NCAM2: variants seen among roughly 807,000 people sequenced by gnomAD.
NCAM2 encodes the protein neural cell adhesion molecule 2, also known as N-CAM-2.
A neutral mutation model predicts 98.1 loss-of-function variants in NCAM2; 30 were observed. The observed-to-expected ratio is 0.31, with a 90% CI of 0.23 to 0.41. The LOEUF (loss-of-function observed/expected upper bound fraction) is 0.41, where lower values mean the gene tolerates loss of function less well. Ranked by LOEUF, NCAM2 falls within the 10% of genes least tolerant of loss-of-function variation. NCAM2 has a pLI of 1.00. For synonymous variants in NCAM2, 368 were observed against 342.4 expected (o/e 1.07, Z -0.83); for missense variants, 867 against 1,005.8 (o/e 0.86, Z 1.87).
At chr21:21,178,068 T>G (rs1166597285) in intron 1 of NCAM2, among the ~76,000 whole-genome samples, 1 of 152,126 alleles carries the variant, frequency 6.6e-6, no homozygotes, top group Non-Finnish European at 1.5e-5. Flanking sequence ...AATTAATAAT[T>G]TAAGTTGAAA....
At chr21:21,014,950 A>G (rs2064278169) in intron 1 of NCAM2, among the ~76,000 whole-genome samples, 1 of 152,166 alleles carries the variant, frequency 6.6e-6, no homozygotes, top group African/African-American at 2.4e-5. Flanking sequence ...GAGGTTCAAG[A>G]CTTCGGCAGA....
At chr21:21,457,032 A>C (rs1982247624) in intron 12 of NCAM2, among the ~76,000 whole-genome samples, 1 of 152,208 alleles carries the variant, frequency 6.6e-6, no homozygotes, top group African/African-American at 2.4e-5. Flanking sequence ...ACCAAAAAGT[A>C]GAGGTGCTGC....
chr21:21,377,498 C>G (rs1410372168), intron 9 of NCAM2, among the ~76,000 whole-genome samples: 1 of 151,622 alleles, frequency 6.6e-6, no homozygotes, highest in African/African-American at 2.4e-5. Context: ...TTATAGTTGA[C>G]AAATAAAAAT....
At chr21:21,441,032 C>A (rs536405610) in intron 12 of NCAM2, among the ~76,000 whole-genome samples, 1 of 152,244 alleles carries the variant, frequency 6.6e-6, no homozygotes, top group Non-Finnish European at 1.5e-5. Context: ...CTGTAGTCTT[C>A]CAAATCAAAA....
In NCAM2 at chr21:21,046,346, C is replaced by T. The variant is rs547381988; in HGVS notation, c.55+47728C>T. ...TTAGACTTAATTTTAAAAGTGGTTC[C>T]TGCAGTTTCATAGGTATTATAATGT... On this transcript the variant is annotated intron_variant, in intron 1 of 17. Transcript: ENST00000400546. Among the ~76,000 whole-genome samples, 13 of 152,210 alleles carry T rather than the reference C, an allele frequency of 8.5e-5. No homozygotes were observed. In the South Asian group the frequency reaches 2.3e-3, roughly 27 times the overall value.
intron 8 of NCAM2, among the ~76,000 whole-genome samples, chr21:21,357,794 A>T (rs889985581): frequency 6.6e-6 from 1 of 152,192 alleles, no homozygotes; most frequent in African/African-American, 2.4e-5. Context: ...ACAAATAAAA[A>T]AACAAATAAT....
intron 15 of NCAM2, among the ~76,000 whole-genome samples, chr21:21,500,825 C>T (rs1194669923): frequency 2.0e-5 from 3 of 151,922 alleles, no homozygotes; most frequent in African/African-American, 7.2e-5. Flanking sequence ...TAATATAAGA[C>T]ATCTCTCTTC....
intron 9 of NCAM2, among the ~76,000 whole-genome samples, chr21:21,400,731 A>C (rs2076610218): frequency 6.6e-6 from 1 of 151,920 alleles, no homozygotes; most frequent in Non-Finnish European, 1.5e-5. Context: ...GATCAAAGGC[A>C]CCTTATTGTA....
intron 5 of NCAM2, among the ~76,000 whole-genome samples, chr21:21,300,660 C>A (rs1475063837): frequency 6.6e-6 from 1 of 152,024 alleles, no homozygotes; most frequent in Admixed American, 6.6e-5. Context: ...TTAAGGTATA[C>A]TGTAGAGATT....
At chr21:21,486,303 CAAAAAAAA>C (rs67182493) in intron 15 of NCAM2, among the ~76,000 whole-genome samples, 1 of 52,254 alleles carries the variant, frequency 1.9e-5, no homozygotes, top group African/African-American at 8.4e-5. Flanking sequence ...GACTCCGTCT[CAAAAAAAA>C]AAAAAAAAAA....
chr21:21,467,542 A>G (rs906476334), intron 13 of NCAM2, among the ~76,000 whole-genome samples: 1 of 151,432 alleles, frequency 6.6e-6, no homozygotes, highest in African/African-American at 2.4e-5. Flanking sequence ...CTCCATTCCC[A>G]ATGCTGGTGG....
intron 1 of NCAM2, among the ~76,000 whole-genome samples, chr21:21,103,794 GTGAAA>G (rs999350368): frequency 1.3e-5 from 2 of 152,096 alleles, no homozygotes; most frequent in Admixed American, 6.6e-5. Flanking sequence ...TTGTAATTAG[GTGAAA>G]CTTGCCTAAA....
intron 1 of NCAM2, among the ~76,000 whole-genome samples, chr21:21,084,807 T>C (rs1403462332): frequency 6.6e-6 from 1 of 152,188 alleles, no homozygotes; most frequent in East Asian, 1.9e-4. Context: ...TAAATATTTG[T>C]TTATATGGAT....
intron 5 of NCAM2, among the ~76,000 whole-genome samples, chr21:21,320,073 G>T (rs1205698288): frequency 6.6e-6 from 1 of 152,106 alleles, no homozygotes; most frequent in Non-Finnish European, 1.5e-5. Context: ...AGATAGGTTT[G>T]ATTTTAGAAG....
intron 1 of NCAM2, among the ~76,000 whole-genome samples, chr21:21,112,687 G>T (rs1405151358): frequency 6.6e-6 from 1 of 152,084 alleles, no homozygotes; most frequent in African/African-American, 2.4e-5. Context: ...TCACCATCAG[G>T]CCTTATCACC....
rs182928099 is a variant in NCAM2, at chr21:21,489,539, T to C, written c.2077+12068T>C. ...CCTCTATTATGTTTCTGTTCATTGT[T>C]TGTAAATTTTAAAATACTAACCTTT... On this transcript the variant is annotated intron_variant, in intron 15 of 17. Transcript: ENST00000400546. Among the ~76,000 whole-genome samples the C allele has an allele frequency of 9.6e-4, 146 of 152,274 alleles. No homozygotes were observed. In the Middle Eastern group the frequency reaches 0.01, roughly 11 times the overall value.
At chr21:21,436,263 C>T (rs2826838) in intron 12 of NCAM2, among the ~76,000 whole-genome samples, 27,690 of 152,090 alleles carry the variant, frequency 0.18, 2,758 homozygotes, top group African/African-American at 0.27. Context: ...TTCAATGAGT[C>T]ACTATGTCCT....
intron 1 of NCAM2, among the ~76,000 whole-genome samples, chr21:21,090,817 C>G (rs2065997663): frequency 6.6e-6 from 1 of 152,178 alleles, no homozygotes; most frequent in Non-Finnish European, 1.5e-5. Flanking sequence ...ATTCTCGCCT[C>G]AGATATGTGC....
chr21:21,493,871 C>CT (rs1203939414), intron 15 of NCAM2, among the ~76,000 whole-genome samples: 4 of 151,858 alleles, frequency 2.6e-5, no homozygotes, highest in Admixed American at 6.6e-5. Context: ...TTCTACGTGT[C>CT]TTTTTATAAT....
Sources: gnomAD v4.1 joint callset for allele counts (sites outside exome capture counted in the v4.1 genomes callset) on GRCh38, gnomAD v4.1.1 for gene constraint, MANE v1.5 for transcripts, NCBI Gene and HGNC (gene_info 2026-07-23, HGNC 2026-07-21) for gene names.